The following SYT1 variants were observed in gnomAD, a reference collection of about 807,000 sequenced individuals.
SYT1 encodes synaptotagmin-1.
In SYT1, 8 loss-of-function variants were observed where a neutral mutation model predicts 44.8. The ratio of observed to expected loss-of-function variants is 0.18; its 90% CI spans 0.10 to 0.32. The LOEUF (loss-of-function observed/expected upper bound fraction) is 0.32. Among genes scored for constraint, SYT1 ranks in the 10% least tolerant of loss-of-function variants. The pLI, the probability that SYT1 is intolerant of heterozygous loss-of-function variation, is 1.00. For synonymous variants in SYT1, 154 were observed against 188.8 expected, an observed-to-expected ratio of 0.82 and a Z score of 1.51; for missense variants, 286 against 509.3, an observed-to-expected ratio of 0.56 and a Z score of 4.22.
intron 2 of SYT1, among the ~76,000 whole-genome samples, chr12:78,994,094 T>C (rs1012817921): frequency 6.6e-6 from 1 of 152,362 alleles, no homozygotes; most frequent in Non-Finnish European, 1.5e-5. Context: ...AACTTCGTAC[T>C]GCTTTTTATC....
At chr12:79,177,805 G>A (rs1435515150) in intron 3 of SYT1, among the ~76,000 whole-genome samples, 1 of 124,292 alleles carries the variant, frequency 8.0e-6, no homozygotes, top group Non-Finnish European at 1.7e-5. Context: ...CAGTGATGAT[G>A]AGCATTTCTT....
intron 3 of SYT1, among the ~76,000 whole-genome samples, chr12:79,181,765 T>G (rs1274107640): frequency 3.3e-5 from 5 of 152,006 alleles, no homozygotes; most frequent in Non-Finnish European, 2.9e-5. Flanking sequence ...ACAATGCCCC[T>G]AATCCCTTCT....
At chr12:78,996,944 A>G (rs1202899468) in intron 2 of SYT1, among the ~76,000 whole-genome samples, 1 of 152,184 alleles carries the variant, frequency 6.6e-6, no homozygotes, top group African/African-American at 2.4e-5. Flanking sequence ...AATCTCAGTG[A>G]TTTTTATCAA....
chr12:79,179,453 T>G (rs569933312), intron 3 of SYT1, among the ~76,000 whole-genome samples: 4 of 53,476 alleles, frequency 7.5e-5, no homozygotes, highest in Non-Finnish European at 6.8e-5. Flanking sequence ...TAGATATAGA[T>G]ATAATCTATA....
intron 4 of SYT1, among the ~76,000 whole-genome samples, chr12:79,232,654 C>T (rs897226912): frequency 6.6e-6 from 1 of 152,136 alleles, no homozygotes; most frequent in Non-Finnish European, 1.5e-5. Context: ...CAAGTTTATA[C>T]TTTGCATATG....
chr12:79,179,309 T>TATATAGATATAGATATAGATATAG (rs1410737065), intron 3 of SYT1, among the ~76,000 whole-genome samples: 1 of 53,618 alleles, frequency 1.9e-5, no homozygotes, highest in African/African-American at 1.0e-4. Flanking sequence ...TAGATATATC[T>TATATAGATATAGATATAGATATAG]ATATAGATAT....
chr12:78,985,674 T>A (rs1869591840), intron 2 of SYT1, among the ~76,000 whole-genome samples: 1 of 151,944 alleles, frequency 6.6e-6, no homozygotes, highest in Admixed American at 6.6e-5. Context: ...GGACTTATTA[T>A]ATAGTGCTGG....
At chr12:79,163,186 T>C (rs1871052174) in intron 3 of SYT1, among the ~76,000 whole-genome samples, 1 of 152,108 alleles carries the variant, frequency 6.6e-6, no homozygotes, top group African/African-American at 2.4e-5. Flanking sequence ...AGTAATTTCA[T>C]CTATTTGGCT....
At chr12:79,316,720 G>A (rs1019195724) in intron 8 of SYT1, among the ~76,000 whole-genome samples, 2 of 152,262 alleles carry the variant, frequency 1.3e-5, no homozygotes, top group Non-Finnish European at 2.9e-5. Context: ...CATAACACAC[G>A]TTTATTCTCT....
At chr12:79,156,425 T>G (rs1290493583) in intron 3 of SYT1, among the ~76,000 whole-genome samples, 1 of 151,076 alleles carries the variant, frequency 6.6e-6, no homozygotes, top group Admixed American at 6.6e-5. Flanking sequence ...TTCAGTTAAT[T>G]GTTGTGGTTG....
intron 9 of SYT1, among the ~76,000 whole-genome samples, chr12:79,357,216 T>C (rs967296593): frequency 6.6e-6 from 1 of 152,210 alleles, no homozygotes; most frequent in Non-Finnish European, 1.5e-5. Context: ...AATGCAAATC[T>C]CAGCCCTTCA....
At chr12:79,410,442 T>A (rs1176467498) in intron 9 of SYT1, among the ~76,000 whole-genome samples, 2 of 141,522 alleles carry the variant, frequency 1.4e-5, no homozygotes, top group Non-Finnish European at 3.0e-5. Context: ...CCCTTCCTCA[T>A]CTCTCTTTTC....
At position 79,036,905 on chromosome 12, in the gene SYT1, ACT is replaced by A. The variant is rs148413990; in HGVS notation, c.-83-10386_-83-10385del. 8.0e-3 allele frequency among the ~76,000 whole-genome samples: 1,208 copies of A among 151,888 alleles called. 8 individuals are homozygous for A. The highest frequency in any genetic ancestry group is 0.012 in the Non-Finnish European group (823 of 67,844). On this transcript the variant is annotated intron_variant, in intron 2 of 10. Transcript: ENST00000261205. ...TCACCTTGGAGAATCAACTTCTCCC[ACT>A]CTCTCATTTCACAGCTAATGAAATC...
At chr12:79,006,161 C>T (rs1432003727) in intron 2 of SYT1, among the ~76,000 whole-genome samples, 2 of 152,118 alleles carry the variant, frequency 1.3e-5, no homozygotes, top group African/African-American at 2.4e-5. Context: ...TCTATTTTAG[C>T]TTAGAGAGGA....
chr12:79,336,370 T>C (rs1882090065), intron 8 of SYT1, among the ~76,000 whole-genome samples: 1 of 152,206 alleles, frequency 6.6e-6, no homozygotes, highest in South Asian at 2.1e-4. Flanking sequence ...TTCTGTCCTC[T>C]TCCTAATGGA....
intron 1 of SYT1, among the ~76,000 whole-genome samples, chr12:78,932,996 G>C (rs778668702): frequency 2.7e-4 from 41 of 152,098 alleles, no homozygotes; most frequent in Non-Finnish European, 5.4e-4. Context: ...ACGTCCAAAA[G>C]TATAAAGGTT....
intron 1 of SYT1, among the ~76,000 whole-genome samples, chr12:78,922,966 G>T (rs1253523001): frequency 6.7e-6 from 1 of 148,834 alleles, no homozygotes; most frequent in Non-Finnish European, 1.5e-5. Flanking sequence ...AATCTCCAGA[G>T]CCCATTCCCA....
intron 4 of SYT1, 100 bp downstream of exon 4, chr12:79,217,785 A>T: frequency 1.1e-6 from 1 of 933,706 alleles, no homozygotes; most frequent in Non-Finnish European, 1.5e-6. Context: ...CTATAAATTT[A>T]CATTTAATTT....
chr12:79,260,628 G>T (rs1877777008), intron 4 of SYT1, among the ~76,000 whole-genome samples: 1 of 152,006 alleles, frequency 6.6e-6, no homozygotes, highest in Non-Finnish European at 1.5e-5. Context: ...TTTCTCAGGT[G>T]GTTGAGATCT....
Sources: gnomAD v4.1 joint callset for allele counts (sites outside exome capture counted in the v4.1 genomes callset) on GRCh38, gnomAD v4.1.1 for gene constraint, MANE v1.5 for transcripts, NCBI Gene and HGNC (gene_info 2026-07-23, HGNC 2026-07-21) for gene names.